The following DCC variants were observed in gnomAD, a reference collection of about 807,000 sequenced individuals.
The protein encoded by DCC is DCC netrin 1 receptor, also known as netrin receptor DCC.
In DCC, 58 loss-of-function variants were observed where a neutral mutation model predicts 172.5. The observed-to-expected ratio is 0.34, with a 90% confidence interval of 0.27 to 0.42. DCC has a LOEUF of 0.42. Ranked by LOEUF, DCC falls within the 10% of genes least tolerant of loss-of-function variation. The pLI, the probability that DCC is intolerant of heterozygous loss-of-function variation, is 1.00. For synonymous variants in DCC, 709 were observed against 644.5 expected, an observed-to-expected ratio of 1.10 and a Z score of -1.52; for missense variants, 1,740 against 1,791.0, an observed-to-expected ratio of 0.97 and a Z score of 0.51.
chr18:53,488,940 C>T (rs969186008), intron 26 of DCC, among the ~76,000 whole-genome samples: 2 of 151,932 alleles, frequency 1.3e-5, no homozygotes, highest in South Asian at 2.1e-4. Context: ...AGGCAGATCA[C>T]GAGGTCAAGA....
chr18:52,644,375 G>A (rs1030269927), intron 1 of DCC, among the ~76,000 whole-genome samples: 104 of 152,194 alleles, frequency 6.8e-4, no homozygotes, highest in African/African-American at 2.2e-3. Flanking sequence ...TCAGGAGATC[G>A]AGACCATCCT....
intron 1 of DCC, among the ~76,000 whole-genome samples, chr18:52,454,339 C>G (rs1199459184): frequency 6.6e-6 from 1 of 151,964 alleles, no homozygotes; most frequent in Non-Finnish European, 1.5e-5. Flanking sequence ...TTAGTGCCCA[C>G]AAAAAATCCC....
At chr18:52,811,709 T>C (rs1461630374) in intron 2 of DCC, among the ~76,000 whole-genome samples, 1 of 152,208 alleles carries the variant, frequency 6.6e-6, no homozygotes, top group Non-Finnish European at 1.5e-5. Flanking sequence ...TCATGCTTTG[T>C]AGCTTTTCAT....
At chr18:52,657,459 C>A (rs2035278451) in intron 1 of DCC, among the ~76,000 whole-genome samples, 2 of 152,168 alleles carry the variant, frequency 1.3e-5, no homozygotes, top group East Asian at 3.9e-4. Context: ...TGCAGGTGAT[C>A]ACTGTATTAT....
intron 1 of DCC, among the ~76,000 whole-genome samples, chr18:52,732,118 AGTT>A (rs1328719737): frequency 6.6e-6 from 1 of 152,170 alleles, no homozygotes. Flanking sequence ...TGCCATATTA[AGTT>A]GTTTTAGCTA....
intron 14 of DCC, among the ~76,000 whole-genome samples, chr18:53,335,636 A>G (rs1374756181): frequency 6.6e-6 from 1 of 152,198 alleles, no homozygotes; most frequent in Admixed American, 6.6e-5. Context: ...GAGAGAATCC[A>G]TAATTCAATA....
chr18:53,255,069 G>A (rs1334842470), intron 12 of DCC, among the ~76,000 whole-genome samples: 1 of 151,944 alleles, frequency 6.6e-6, no homozygotes, highest in East Asian at 1.9e-4. Flanking sequence ...ACGTCTGAAA[G>A]TGCTTTCCTG....
chr18:53,057,266 T>C (rs2042421149), intron 5 of DCC, among the ~76,000 whole-genome samples: 1 of 151,966 alleles, frequency 6.6e-6, no homozygotes, highest in African/African-American at 2.4e-5. Context: ...AGTCATGGCA[T>C]AGAAACGTTT....
At chr18:52,568,734 A>T (rs1300667445) in intron 1 of DCC, among the ~76,000 whole-genome samples, 3 of 152,128 alleles carry the variant, frequency 2.0e-5, no homozygotes, top group African/African-American at 7.2e-5. Context: ...CCCATAGACA[A>T]AAAGCACAGG....
chr18:53,149,700 G>T (rs1261160544), intron 7 of DCC, among the ~76,000 whole-genome samples: 1 of 152,144 alleles, frequency 6.6e-6, no homozygotes, highest in Non-Finnish European at 1.5e-5. Context: ...TCACATATTG[G>T]TTGGCCAGTT....
intron 5 of DCC, among the ~76,000 whole-genome samples, chr18:52,958,136 C>A (rs906952737): frequency 6.6e-5 from 10 of 152,114 alleles, no homozygotes; most frequent in African/African-American, 2.4e-4. Flanking sequence ...TTTGTCAAAT[C>A]AGCTTGTTCT....
intron 25 of DCC, among the ~76,000 whole-genome samples, 199 bp from the exon 26 acceptor site, chr18:53,486,598 G>A (rs530609224): frequency 2.0e-5 from 3 of 152,244 alleles, no homozygotes; most frequent in South Asian, 2.1e-4. Flanking sequence ...GTAATATTTC[G>A]TAGTATGATG....
intron 26 of DCC, among the ~76,000 whole-genome samples, chr18:53,492,843 T>C (rs540738319): frequency 6.6e-6 from 1 of 152,298 alleles, no homozygotes; most frequent in African/African-American, 2.4e-5. Context: ...AAGTAGTTTT[T>C]TCCAATTCTG....
At chr18:52,814,690 C>A (rs1048862778) in intron 2 of DCC, among the ~76,000 whole-genome samples, 3 of 152,120 alleles carry the variant, frequency 2.0e-5, no homozygotes, top group Non-Finnish European at 2.9e-5. Flanking sequence ...GAAATATAAA[C>A]TATTTAATTA....
At chr18:53,333,539 G>C (rs2057556468) in intron 14 of DCC, among the ~76,000 whole-genome samples, 1 of 152,150 alleles carries the variant, frequency 6.6e-6, no homozygotes, top group South Asian at 2.1e-4. Context: ...GACAAATCTT[G>C]CTGTCCCCTA....
chr18:52,477,811 T>C (rs1178238911), intron 1 of DCC, among the ~76,000 whole-genome samples: 1 of 152,136 alleles, frequency 6.6e-6, no homozygotes, highest in Non-Finnish European at 1.5e-5. Context: ...ACAGCTTTCA[T>C]AACCTCCTCT....
At chr18:52,829,276 C>T (rs2145290642) in intron 2 of DCC, among the ~76,000 whole-genome samples, 1 of 152,270 alleles carries the variant, frequency 6.6e-6, no homozygotes, top group Non-Finnish European at 1.5e-5. Context: ...TCTCATTGTA[C>T]TAAAACAGAT....
intron 5 of DCC, among the ~76,000 whole-genome samples, chr18:53,054,615 A>G (rs561189071): frequency 1.3e-5 from 2 of 152,196 alleles, no homozygotes; most frequent in African/African-American, 4.8e-5. Flanking sequence ...TGGAAAGCTT[A>G]GTCTGGATTT....
intron 2 of DCC, among the ~76,000 whole-genome samples, chr18:52,884,178 C>G (rs949872532): frequency 1.3e-5 from 2 of 151,898 alleles, no homozygotes; most frequent in Non-Finnish European, 2.9e-5. Flanking sequence ...AGGTAGTCTT[C>G]TTCAGGTTAA....
Sources: gnomAD v4.1 joint callset for allele counts (sites outside exome capture counted in the v4.1 genomes callset) on GRCh38, gnomAD v4.1.1 for gene constraint, MANE v1.5 for transcripts, NCBI Gene and HGNC (gene_info 2026-07-23, HGNC 2026-07-21) for gene names.